Variants in GALNT7 observed in about 807,000 individuals in gnomAD.
The protein encoded by GALNT7 is N-acetylgalactosaminyltransferase 7.
Under a neutral mutation model 82.1 loss-of-function variants are expected in GALNT7, and 60 were observed. The observed-to-expected ratio is 0.73, with a 90% confidence interval of 0.59 to 0.91. The LOEUF is 0.91. Among genes scored for constraint, GALNT7 ranks in the 40% least tolerant of loss-of-function variants. The probability of loss-of-function intolerance (pLI) is 0.00; values close to 1 mark genes in which losing one functional copy is unlikely to be tolerated. For missense variants in GALNT7, 660 were observed against 804.2 expected, an observed-to-expected ratio of 0.82 and a Z score of 2.17; for synonymous variants, 243 against 275.1, an observed-to-expected ratio of 0.88 and a Z score of 1.15.
Position 173,273,794 on chromosome 4 carries a change from TA to T in GALNT7, c.588-18312del, listed in dbSNP as rs1735809510. ...TCCCTCCTTCTATTTTTAACTTTTG[TA>T]ATACTGTTTTATTCTGTGTGTCTTT... is the stretch of plus-strand genomic sequence containing the variant. On this transcript the variant is annotated intron_variant, in intron 2 of 11. Transcript: ENST00000265000. Among the ~76,000 whole-genome samples, 4 of 152,336 alleles carry T rather than the reference TA, an allele frequency of 2.6e-5. No homozygotes were observed. In the South Asian group the frequency reaches 8.3e-4, roughly 32 times the overall value.
chr4:173,288,301 A>AAAAAAAAAAAAAAAAAG (rs1289159201), intron 2 of GALNT7, among the ~76,000 whole-genome samples: 5 of 148,364 alleles, frequency 3.4e-5, no homozygotes, highest in African/African-American at 1.3e-4. Flanking sequence ...AAAAAAAAAA[A>AAAAAAAAAAAAAAAAAG]AAAAGAAAAG....
intron 1 of GALNT7, among the ~76,000 whole-genome samples, chr4:173,213,727 T>C (rs1733354266): frequency 6.6e-6 from 1 of 152,174 alleles, no homozygotes; most frequent in Admixed American, 6.5e-5. Context: ...TCTTATGAAA[T>C]TAAAGATTAA....
intron 2 of GALNT7, among the ~76,000 whole-genome samples, chr4:173,263,992 T>C (rs918179837): frequency 6.6e-6 from 1 of 152,164 alleles, no homozygotes; most frequent in African/African-American, 2.4e-5. Context: ...ACGCAAAGCC[T>C]TCCCCCTTTA....
intron 11 of GALNT7, among the ~76,000 whole-genome samples, chr4:173,321,047 C>T (rs1157016568): frequency 6.6e-6 from 1 of 152,122 alleles, no homozygotes; most frequent in African/African-American, 2.4e-5. Context: ...ATAGTTTCGG[C>T]CTTACAGACC....
intron 8 of GALNT7, among the ~76,000 whole-genome samples, chr4:173,311,616 CAG>C (rs1737387857): frequency 1.3e-5 from 2 of 152,104 alleles, no homozygotes; most frequent in African/African-American, 4.8e-5. Context: ...CACAAGAACT[CAG>C]AGTCACAAGG....
chr4:173,305,662 C>G (rs1015821212), intron 8 of GALNT7, among the ~76,000 whole-genome samples: 1 of 152,202 alleles, frequency 6.6e-6, no homozygotes, highest in African/African-American at 2.4e-5. Flanking sequence ...ACTGTGTTTT[C>G]CCTCATGTGT....
chr4:173,300,219 T>A (rs1736869571), intron 6 of GALNT7, among the ~76,000 whole-genome samples: 1 of 152,178 alleles, frequency 6.6e-6, no homozygotes, highest in Admixed American at 6.5e-5. Context: ...GGCACGTGCC[T>A]GTAGTCCCAG....
intron 11 of GALNT7, among the ~76,000 whole-genome samples, chr4:173,319,875 G>T (rs1240703921): frequency 6.6e-6 from 1 of 152,134 alleles, no homozygotes; most frequent in African/African-American, 2.4e-5. Context: ...AGGAATTACT[G>T]CTGAGGAGTT....
intron 1 of GALNT7, among the ~76,000 whole-genome samples, chr4:173,183,788 C>G (rs1579887548): frequency 6.6e-6 from 1 of 151,050 alleles, no homozygotes; most frequent in Non-Finnish European, 1.5e-5. Context: ...GGACTGCCCC[C>G]CACCTCCCTG....
rs56052513 is a variant in GALNT7, at chr4:173,283,548, G to T, written c.588-8560G>T. The stretch of plus-strand genomic sequence containing the variant: ...CCGGCTACTTGGGAGGCTGAAGCAG[G>T]AGAATCCCTTGAGCCTGGGAGGTGG... On this transcript the variant is annotated intron_variant, in intron 2 of 11. Coordinates refer to ENST00000265000, the MANE Select transcript of GALNT7 (RefSeq NM_017423.3). Among the ~76,000 whole-genome samples the T allele has an allele frequency of 8.8e-3, 1,327 of 151,630 alleles. 18 individuals are homozygous for T. The highest frequency in any genetic ancestry group is 0.031 in the African/African-American group (1,263 of 41,310).
chr4:173,210,154 AG>A (rs1733229607), intron 1 of GALNT7, among the ~76,000 whole-genome samples: 1 of 152,030 alleles, frequency 6.6e-6, no homozygotes, highest in African/African-American at 2.4e-5. Context: ...AAAAAAAAAA[AG>A]AAATACTTAT....
chr4:173,225,971 A>G (rs566192307), intron 1 of GALNT7, among the ~76,000 whole-genome samples: 46 of 152,072 alleles, frequency 3.0e-4, no homozygotes, highest in Admixed American at 3.9e-4. Context: ...GAGCAAGAGG[A>G]CTGGCCTTTT....
intron 1 of GALNT7, among the ~76,000 whole-genome samples, chr4:173,179,457 C>T (rs1732177656): frequency 6.6e-6 from 1 of 152,198 alleles, no homozygotes; most frequent in African/African-American, 2.4e-5. Context: ...TATAGCAAGA[C>T]CTTGTCGCTT....
intron 2 of GALNT7, among the ~76,000 whole-genome samples, chr4:173,261,843 T>A (rs931219430): frequency 1.3e-5 from 2 of 151,972 alleles, no homozygotes; most frequent in Admixed American, 1.3e-4. Flanking sequence ...AAATAAAAAA[T>A]AATAGATAGC....
chr4:173,259,580 A>T (rs1361410030), intron 2 of GALNT7, among the ~76,000 whole-genome samples: 3 of 151,846 alleles, frequency 2.0e-5, no homozygotes, highest in African/African-American at 7.3e-5. Context: ...AGTTATATTA[A>T]ACTCATTCTC....
chr4:173,315,516 G>A (rs1478889617), intron 9 of GALNT7, among the ~76,000 whole-genome samples: 5 of 152,120 alleles, frequency 3.3e-5, no homozygotes, highest in African/African-American at 9.7e-5. Context: ...TGAGGTCCCC[G>A]AGGGAGAAAA....
intron 1 of GALNT7, among the ~76,000 whole-genome samples, chr4:173,191,748 T>C (rs1442703105): frequency 6.6e-6 from 1 of 152,226 alleles, no homozygotes; most frequent in African/African-American, 2.4e-5. Context: ...GTCTAGAGTT[T>C]CCTTTCTTTC....
chr4:173,277,166 A>G (rs1735942048), intron 2 of GALNT7, among the ~76,000 whole-genome samples: 1 of 152,232 alleles, frequency 6.6e-6, no homozygotes, highest in Non-Finnish European at 1.5e-5. Flanking sequence ...TTTGCCCATA[A>G]ACAAATCTGT....
chr4:173,307,335 G>A (rs1737196108), intron 8 of GALNT7, among the ~76,000 whole-genome samples: 2 of 152,216 alleles, frequency 1.3e-5, no homozygotes, highest in South Asian at 2.1e-4. Flanking sequence ...AGGACTTAGG[G>A]CACAGATATT....
Sources: allele counts gnomAD v4.1 joint callset (sites outside exome capture counted in the v4.1 genomes callset), GRCh38; gene constraint gnomAD v4.1.1; transcripts MANE v1.5; gene names NCBI Gene and HGNC (gene_info 2026-07-23, HGNC 2026-07-21).